Variants in CRY1 observed in about 807,000 individuals in gnomAD.
CRY1 encodes cryptochrome-1.
Under a neutral mutation model 76.0 loss-of-function variants are expected in CRY1, and 45 were observed. That is an observed-to-expected ratio of 0.59 (90% CI 0.47 to 0.76). The LOEUF is 0.76. CRY1 is among the 30% of genes least tolerant of loss of function. The pLI is 0.00. For missense variants in CRY1, 587 were observed against 716.4 expected (o/e 0.82, Z 2.06); for synonymous variants, 248 against 244.0 (o/e 1.02, Z -0.15).
intron 1 of CRY1, among the ~76,000 whole-genome samples, 155 bp downstream of exon 1, chr12:107,092,649 C>G (rs569136130): frequency 6.6e-6 from 1 of 152,298 alleles, no homozygotes; most frequent in African/African-American, 2.4e-5. Context: ...AGTATTAAGT[C>G]AATTCTATTT....
At chr12:107,060,728 C>T (rs186745030) in intron 1 of CRY1, among the ~76,000 whole-genome samples, 3 of 152,222 alleles carry the variant, frequency 2.0e-5, no homozygotes, top group Admixed American at 6.5e-5. Context: ...TGGTGGCTCA[C>T]GCCTGTAATC....
At chr12:107,048,615 C>T (rs1952876940) in intron 1 of CRY1, among the ~76,000 whole-genome samples, 1 of 152,114 alleles carries the variant, frequency 6.6e-6, no homozygotes, top group African/African-American at 2.4e-5. Context: ...CTGTATTTTC[C>T]ATCCTATTAT....
intron 2 of CRY1, among the ~76,000 whole-genome samples, chr12:107,005,980 T>C (rs1952369932): frequency 6.6e-6 from 1 of 152,158 alleles, no homozygotes; most frequent in Non-Finnish European, 1.5e-5. Context: ...TTCTGATTTA[T>C]CTCATAAAGA....
Position 107,091,505 on chromosome 12 carries a change from C to T in CRY1, c.158+1299G>A, listed in dbSNP as rs932420879. ...TGCCAACAGCTTCTTAATTGGACTTCCTGCTTCTTGTCCACCTCCACTCCC... is the reference window on the plus strand; with the variant it reads ...TGCCAACAGCTTCTTAATTGGACTTTCTGCTTCTTGTCCACCTCCACTCCC... On this transcript the variant is annotated intron_variant, in intron 1 of 12. Transcript: ENST00000008527. Among the ~76,000 whole-genome samples the T allele has an allele frequency of 3.3e-5, 5 of 152,292 alleles. No individual in the cohort carries two copies. The South Asian group carries it at 8.3e-4, about 25-fold the overall frequency.
chr12:107,005,084 T>TAAA, intron 3 of CRY1, 22 bp downstream of exon 3: 5 of 1,446,336 alleles, frequency 3.5e-6, no homozygotes, highest in Admixed American at 4.0e-5. Flanking sequence ...TTTCCCACAG[T>TAAA]AAAAAAAAAA....
intron 10 of CRY1, among the ~76,000 whole-genome samples, chr12:106,994,661 G>A (rs1315908312): frequency 1.3e-5 from 2 of 152,194 alleles, no homozygotes; most frequent in African/African-American, 4.8e-5. Context: ...CTGCTACTAT[G>A]ATTAGCTTTT....
At chr12:106,997,880 T>C in intron 8 of CRY1, 35 bp downstream of exon 8, 2 of 1,596,340 alleles carry the variant, frequency 1.3e-6, no homozygotes, top group Non-Finnish European at 1.7e-6. Context: ...TTGAATTAAC[T>C]ATTCCAAACT....
intron 3 of CRY1, 55 bp from the exon 4 acceptor site, chr12:107,002,003 G>T: frequency 7.0e-7 from 1 of 1,428,440 alleles, no homozygotes. Flanking sequence ...ATACATTTTG[G>T]CTAATAAGCT....
chr12:107,066,308 TTTTTA>T (rs1953110115), intron 1 of CRY1, among the ~76,000 whole-genome samples: 1 of 152,242 alleles, frequency 6.6e-6, no homozygotes, highest in Non-Finnish European at 1.5e-5. Flanking sequence ...AATTTACTTC[TTTTTA>T]TTTTAAAATG....
At chr12:107,067,852 G>T (rs1305212167) in intron 1 of CRY1, among the ~76,000 whole-genome samples, 1 of 152,186 alleles carries the variant, frequency 6.6e-6, no homozygotes, top group Admixed American at 6.5e-5. Flanking sequence ...AACCGAGGAT[G>T]TTCCATGGGC....
chr12:107,001,340 T>TG lies in CRY1; in HGVS notation c.623dup (p.Val209SerfsTer8), dbSNP rs1952308437. The TG allele has an allele frequency of 1.9e-6, 3 of 1,613,422 alleles. No individual in the cohort carries two copies. The highest frequency in any genetic ancestry group is 2.5e-6 in the Non-Finnish European group (3 of 1,179,766). ...CTTCAGTTTCTCCACCTGGCCACAC[T>TG]GCAGAGGATAAGCCATCTGTATCAA... On this transcript the variant is annotated frameshift_variant, in exon 5 of 13. Coordinates refer to ENST00000008527, the MANE Select transcript of CRY1 (RefSeq NM_004075.5). LOFTEE classifies it high-confidence loss of function.
chr12:107,083,494 C>T (rs912261456), intron 1 of CRY1, among the ~76,000 whole-genome samples: 16 of 152,054 alleles, frequency 1.1e-4, no homozygotes, highest in African/African-American at 2.2e-4. Flanking sequence ...CTTATCCACA[C>T]GATCAAGGCA....
chr12:107,008,116 G>A (rs865826228), intron 2 of CRY1, among the ~76,000 whole-genome samples: 9 of 152,086 alleles, frequency 5.9e-5, no homozygotes, highest in South Asian at 2.1e-4. Flanking sequence ...CCTATAAAAC[G>A]TATCACATAG....
intron 2 of CRY1, among the ~76,000 whole-genome samples, chr12:107,008,021 T>A (rs1184144262): frequency 6.6e-6 from 1 of 152,162 alleles, no homozygotes; most frequent in East Asian, 1.9e-4. Context: ...TCAGGGCAGG[T>A]AAACTTGCTA....
chr12:107,093,122 A>C lies in CRY1; in HGVS notation c.-161T>G. The C allele has an allele frequency of 4.7e-6, 4 of 859,540 alleles. No homozygotes were observed. The highest frequency in any genetic ancestry group is 6.8e-6 in the Non-Finnish European group (4 of 592,022). The allele number at this position is 859,540 out of a possible 1,614,324, so 53.2% of individuals were successfully genotyped here. On this transcript the variant is annotated 5_prime_UTR_variant, in exon 1 of 13. Coordinates refer to ENST00000008527, the MANE Select transcript of CRY1 (RefSeq NM_004075.5). ...ATGACTCCGAGGAGGGGACCGGAGA[A>C]GGCGGGGGCGCCGGAGGCGCAGTGG...
Position 107,093,165 on chromosome 12 carries a change from G to T in CRY1, c.-204C>A. 1 of 573,970 alleles carries T rather than the reference G, an allele frequency of 1.7e-6. No homozygotes were observed. Among genetic ancestry groups the T allele is most frequent in the Non-Finnish European group, 2.9e-6 (1 of 350,646 alleles). The allele number at this position is 573,970 out of a possible 1,614,324, so 35.6% of individuals were successfully genotyped here. On this transcript the variant is annotated 5_prime_UTR_variant, in exon 1 of 13. Coordinates refer to ENST00000008527, the MANE Select transcript of CRY1 (RefSeq NM_004075.5). ...CGCAGTGGAAAGATGAATGGAGGTTGCCTAGTCGGCGGAGTCCGGGTGTGA... is the reference window on the plus strand; with the variant it reads ...CGCAGTGGAAAGATGAATGGAGGTTTCCTAGTCGGCGGAGTCCGGGTGTGA...
intron 2 of CRY1, among the ~76,000 whole-genome samples, chr12:107,014,510 CT>C (rs1952477374): frequency 6.6e-6 from 1 of 152,152 alleles, no homozygotes; most frequent in Non-Finnish European, 1.5e-5. Context: ...AAATAATAAA[CT>C]AATTAATGCA....
At position 107,091,847 on chromosome 12, in the gene CRY1, C is replaced by A. The variant is rs1225606682; in HGVS notation, c.158+957G>T. 2.0e-5 allele frequency among the ~76,000 whole-genome samples: 3 copies of A among 152,214 alleles called. No individual in the cohort carries two copies. The East Asian group carries it at 5.8e-4, about 29-fold the overall frequency. On this transcript the variant is annotated intron_variant, in intron 1 of 12. Transcript: ENST00000008527. ...CCCTTAGATATCTGCATCCCACCACCTCCTTCAGGTCTGCTCAAGTGTCAC... is the reference window on the plus strand; with the variant it reads ...CCCTTAGATATCTGCATCCCACCACATCCTTCAGGTCTGCTCAAGTGTCAC...
chr12:107,051,910 T>C (rs544655238), intron 1 of CRY1, among the ~76,000 whole-genome samples: 39 of 151,686 alleles, frequency 2.6e-4, no homozygotes, highest in African/African-American at 9.4e-4. Context: ...AGGAGACTTA[T>C]ATAAAATTAA....
Sources: allele counts gnomAD v4.1 joint callset (sites outside exome capture counted in the v4.1 genomes callset), GRCh38; gene constraint gnomAD v4.1.1; transcripts MANE v1.5; gene names NCBI Gene and HGNC (gene_info 2026-07-23, HGNC 2026-07-21).